The following CEP112 variants were observed in gnomAD, a reference collection of about 807,000 sequenced individuals.
CEP112 encodes centrosomal protein of 112 kDa.
A neutral mutation model predicts 153.0 loss-of-function variants in CEP112; 127 were observed. The ratio of observed to expected loss-of-function variants is 0.83; its 90% CI spans 0.72 to 0.96. The LOEUF (loss-of-function observed/expected upper bound fraction) is 0.96. Ranked by LOEUF, CEP112 falls within the 40% of genes least tolerant of loss-of-function variation. CEP112 has a pLI of 0.00. For missense variants in CEP112, 1,089 were observed against 1,101.2 expected (o/e 0.99, Z 0.16); for synonymous variants, 358 against 374.4 (o/e 0.96, Z 0.51).
intron 19 of CEP112, among the ~76,000 whole-genome samples, chr17:65,910,547 C>T (rs1216501524): frequency 6.6e-6 from 1 of 152,032 alleles, no homozygotes; most frequent in Non-Finnish European, 1.5e-5. Flanking sequence ...AAGAATAATG[C>T]AAGGATAACA....
chr17:65,756,727 A>G (rs1441145772), intron 21 of CEP112, among the ~76,000 whole-genome samples: 1 of 152,216 alleles, frequency 6.6e-6, no homozygotes, highest in Admixed American at 6.5e-5. Flanking sequence ...GCGGGTGAAT[A>G]GAGAGGTGAA....
intron 20 of CEP112, among the ~76,000 whole-genome samples, chr17:65,883,603 T>A (rs1303393218): frequency 1.3e-5 from 2 of 152,148 alleles, no homozygotes; most frequent in African/African-American, 4.8e-5. Context: ...GACCTCATGA[T>A]CTGCCTGCCT....
rs563150353 is a variant in CEP112, at chr17:65,937,792, T to TG, written c.1873-10104dup. 6.6e-4 allele frequency among the ~76,000 whole-genome samples: 31 copies of TG among 46,962 alleles called. 8 individuals are homozygous for TG. Among genetic ancestry groups the TG allele is most frequent in the Admixed American group, 8.7e-4 (3 of 3,468 alleles). The allele number at this position is 46,962 out of a possible 152,430, so 30.8% of individuals were successfully genotyped here. Reference sequence around the variant, plus strand: ...CCAGCCGCCCCGTCTGGGAGGGGGGTGGGGGGGGTCAGCCCCCCGCCCGGC... The same window carrying TG: ...CCAGCCGCCCCGTCTGGGAGGGGGGTGGGGGGGGGTCAGCCCCCCGCCCGGC... On this transcript the variant is annotated intron_variant, in intron 18 of 26. Coordinates refer to ENST00000535342, the MANE Select transcript of CEP112 (RefSeq NM_001199165.4).
At chr17:66,154,279 C>T (rs980616510) in intron 4 of CEP112, among the ~76,000 whole-genome samples, 2 of 152,072 alleles carry the variant, frequency 1.3e-5, no homozygotes, top group Non-Finnish European at 2.9e-5. Context: ...CTTTGGAAGG[C>T]CGAGATGGGC....
At chr17:65,640,150 A>AT (rs1349466110) in intron 25 of CEP112, among the ~76,000 whole-genome samples, 4 of 76,252 alleles carry the variant, frequency 5.2e-5, no homozygotes, top group African/African-American at 1.5e-4. Context: ...ATATATATAT[A>AT]TATATTTTTT....
Position 65,739,128 on chromosome 17 carries a change from C to A in CEP112, c.2607+3940G>T, listed in dbSNP as rs540004902. 1.1e-4 allele frequency among the ~76,000 whole-genome samples: 17 copies of A among 152,344 alleles called. No homozygotes were observed. The South Asian group carries it at 3.5e-3, about 32-fold the overall frequency. On this transcript the variant is annotated intron_variant, in intron 23 of 26. Transcript: ENST00000535342. ...TTAATCTGTTAAAAAGGCCATATGGCATGGGCCTGAAACCAGCTCAGACAT... is the reference window on the plus strand; with the variant it reads ...TTAATCTGTTAAAAAGGCCATATGGAATGGGCCTGAAACCAGCTCAGACAT...
At chr17:65,884,532 T>C (rs2059199636) in intron 20 of CEP112, among the ~76,000 whole-genome samples, 1 of 152,126 alleles carries the variant, frequency 6.6e-6, no homozygotes, top group Non-Finnish European at 1.5e-5. Context: ...AAGTGTCTTA[T>C]TTCAGGTTTT....
chr17:66,102,713 G>T (rs2068616067), intron 6 of CEP112, among the ~76,000 whole-genome samples: 1 of 149,740 alleles, frequency 6.7e-6, no homozygotes, highest in Middle Eastern at 3.5e-3. Flanking sequence ...CAGGAGAATG[G>T]CATGAACCTG....
At chr17:65,738,829 A>C (rs562373423) in intron 23 of CEP112, among the ~76,000 whole-genome samples, 10 of 152,308 alleles carry the variant, frequency 6.6e-5, no homozygotes, top group African/African-American at 2.4e-4. Context: ...TAAATGGGAG[A>C]TAAAAACCGG....
Position 66,037,648 on chromosome 17 carries a change from C to T in CEP112, c.1219-7625G>A, listed in dbSNP as rs79554039. 5.7e-4 allele frequency among the ~76,000 whole-genome samples: 87 copies of T among 152,140 alleles called. 1 individual carries two copies. In the East Asian group the frequency reaches 0.014, roughly 25 times the overall value. On this transcript the variant is annotated intron_variant, in intron 12 of 26. Transcript: ENST00000535342. ...TGTTTGTCTTTCCGTAACAACAATT[C>T]TTACTCTAGTACCATAAAAGTATGA...
intron 8 of CEP112, among the ~76,000 whole-genome samples, chr17:66,092,674 A>T (rs2146256460): frequency 6.6e-6 from 1 of 152,314 alleles, no homozygotes; most frequent in East Asian, 1.9e-4. Flanking sequence ...AGCATTCACC[A>T]TGATCAAGTG....
rs1272906859 is a variant in CEP112, at chr17:65,635,982, C to A, written c.2865-8G>T. 4 of 1,599,044 alleles carry A rather than the reference C, an allele frequency of 2.5e-6. No individual in the cohort carries two copies. Among genetic ancestry groups the A allele is most frequent in the Middle Eastern group, 1.6e-4 (1 of 6,066 alleles). ...ATTCTCTCGTGCAGTTACCTGTAAA[C>A]CAAAAATCGCAGTCACGACTTTCTC... On this transcript the variant is annotated splice_polypyrimidine_tract_variant and splice_region_variant and intron_variant, in intron 26 of 26. Coordinates refer to ENST00000535342, the MANE Select transcript of CEP112 (RefSeq NM_001199165.4).
chr17:66,065,206 A>G (rs367592752), intron 10 of CEP112, among the ~76,000 whole-genome samples: 20 of 152,296 alleles, frequency 1.3e-4, no homozygotes, highest in Middle Eastern at 3.4e-3. Context: ...TCACCTTAAC[A>G]TGCAAAATTA....
intron 21 of CEP112, among the ~76,000 whole-genome samples, chr17:65,829,192 A>G (rs758027581): frequency 2.0e-5 from 3 of 152,168 alleles, no homozygotes; most frequent in Non-Finnish European, 4.4e-5. Context: ...ATTTAAGCCA[A>G]CTGCAGTTTT....
chr17:66,034,042 GC>G, intron 12 of CEP112, among the ~76,000 whole-genome samples: 2 of 152,168 alleles, frequency 1.3e-5, no homozygotes, highest in Non-Finnish European at 2.9e-5. Flanking sequence ...ACTCCACAAT[GC>G]CGATTGCAAG....
At chr17:65,860,843 G>A (rs968884750) in intron 20 of CEP112, among the ~76,000 whole-genome samples, 3 of 152,096 alleles carry the variant, frequency 2.0e-5, no homozygotes, top group Non-Finnish European at 4.4e-5. Flanking sequence ...AGCCCCAAAG[G>A]AGAAACCACC....
At chr17:65,971,617 G>A (rs2062828990) in intron 17 of CEP112, among the ~76,000 whole-genome samples, 1 of 151,658 alleles carries the variant, frequency 6.6e-6, no homozygotes, top group South Asian at 2.1e-4. Context: ...CATATTATAT[G>A]TATATCCCAT....
chr17:65,826,737 C>G (rs928734244), intron 21 of CEP112, among the ~76,000 whole-genome samples: 11 of 152,198 alleles, frequency 7.2e-5, no homozygotes, highest in South Asian at 6.2e-4. Flanking sequence ...CAGAAAAATA[C>G]AATTCAAAAT....
intron 10 of CEP112, among the ~76,000 whole-genome samples, chr17:66,065,042 A>G (rs528018016): frequency 8.6e-4 from 131 of 152,322 alleles, no homozygotes; most frequent in Admixed American, 1.8e-3. Context: ...TAAGTTCCAT[A>G]CAGAAAATCC....
Sources: gnomAD v4.1 joint callset for allele counts (sites outside exome capture counted in the v4.1 genomes callset) on GRCh38, gnomAD v4.1.1 for gene constraint, MANE v1.5 for transcripts, NCBI Gene and HGNC (gene_info 2026-07-23, HGNC 2026-07-21) for gene names.